ATP11A: variants seen among roughly 807,000 people sequenced by gnomAD.
The protein encoded by ATP11A is phospholipid-transporting ATPase IH.
A neutral mutation model predicts 154.4 loss-of-function variants in ATP11A; 81 were observed. The ratio of observed to expected loss-of-function variants is 0.52; its 90% CI spans 0.44 to 0.63. ATP11A has a LOEUF of 0.63. Among genes scored for constraint, ATP11A ranks in the 30% least tolerant of loss-of-function variants. The probability of loss-of-function intolerance (pLI) is 0.00; values close to 1 mark genes in which losing one functional copy is unlikely to be tolerated. For synonymous variants in ATP11A, 623 were observed against 585.9 expected, an observed-to-expected ratio of 1.06 and a Z score of -0.91; for missense variants, 1,316 against 1,474.3, an observed-to-expected ratio of 0.89 and a Z score of 1.76.
chr13:112,739,336 AATAC>A (rs1287218249), intron 1 of ATP11A, among the ~76,000 whole-genome samples: 1 of 152,216 alleles, frequency 6.6e-6, no homozygotes, highest in Non-Finnish European at 1.5e-5. Context: ...ACCAAGGAGG[AATAC>A]AAAGGGCCAG....
intron 25 of ATP11A, 78 bp from the exon 26 acceptor site, chr13:112,871,657 T>G: frequency 7.1e-7 from 1 of 1,401,784 alleles, no homozygotes. Flanking sequence ...ATGAGGTGTA[T>G]TTTCTAAAAC....
At chr13:112,873,003 CCTGA>C in intron 26 of ATP11A, among the ~76,000 whole-genome samples, 1 of 146,258 alleles carries the variant, frequency 6.8e-6, no homozygotes, top group Non-Finnish European at 1.5e-5. Flanking sequence ...GCTTTGTCTT[CCTGA>C]GCGGTGTGAG....
At chr13:112,758,450 GTCTC>G (rs1233484534) in intron 1 of ATP11A, among the ~76,000 whole-genome samples, 1 of 146,940 alleles carries the variant, frequency 6.8e-6, no homozygotes, top group South Asian at 2.2e-4. Context: ...TTGAGACAGA[GTCTC>G]TCTCTGTCGC....
intron 1 of ATP11A, among the ~76,000 whole-genome samples, chr13:112,779,035 GGAGTAGCCGCTGGAGT>G (rs1348329158): frequency 3.4e-5 from 4 of 116,776 alleles, no homozygotes; most frequent in African/African-American, 6.0e-5. Context: ...GCTGGAGTGA[GGAGTAGCCGCTGGAGT>G]GAGTAGCCGC....
chr13:112,783,587 C>T (rs769955935), intron 1 of ATP11A, among the ~76,000 whole-genome samples: 1 of 152,230 alleles, frequency 6.6e-6, no homozygotes, highest in East Asian at 1.9e-4. Flanking sequence ...ACCAGCATTC[C>T]CCTCATGGAG....
chr13:112,728,887 G>A (rs980105297), intron 1 of ATP11A, among the ~76,000 whole-genome samples: 20 of 152,262 alleles, frequency 1.3e-4, no homozygotes, highest in Non-Finnish European at 2.1e-4. Context: ...CACAGTGGCT[G>A]CTGACCTCTG....
intron 2 of ATP11A, among the ~76,000 whole-genome samples, chr13:112,804,647 T>C (rs1037722948): frequency 5.3e-5 from 8 of 151,268 alleles, no homozygotes; most frequent in Middle Eastern, 3.4e-3. Context: ...AAAATGCTAA[T>C]GTGTTGAGTT....
chr13:112,839,075 G>C (rs1169933048), intron 16 of ATP11A, among the ~76,000 whole-genome samples: 2 of 152,156 alleles, frequency 1.3e-5, no homozygotes, highest in Non-Finnish European at 2.9e-5. Context: ...CTGTACCTCA[G>C]TCATGTGTGC....
intron 1 of ATP11A, among the ~76,000 whole-genome samples, chr13:112,739,966 G>A (rs568109106): frequency 1.4e-4 from 21 of 152,244 alleles, no homozygotes; most frequent in Middle Eastern, 6.8e-3. Context: ...GTTGGCAGGG[G>A]CTGGGGGAGG....
chr13:112,828,118 G>GAAATGCCCAGCAGTGTTGAGTGCGGGGGA (rs143513857), intron 12 of ATP11A, among the ~76,000 whole-genome samples: 1 of 122,388 alleles, frequency 8.2e-6, no homozygotes, highest in Non-Finnish European at 1.7e-5. Flanking sequence ...TGAGTGGGGG[G>GAAATGCCCAGCAGTGTTGAGTGCGGGGGA]AAGCGCCCAG....
intron 1 of ATP11A, among the ~76,000 whole-genome samples, chr13:112,765,780 A>G (rs2077061134): frequency 6.6e-6 from 1 of 152,234 alleles, no homozygotes; most frequent in African/African-American, 2.4e-5. Flanking sequence ...GCTACAGTGG[A>G]TCTGAAAGAT....
chr13:112,785,045 C>G lies in ATP11A; in HGVS notation c.40-90C>G, dbSNP rs1344629467. The G allele has an allele frequency of 1.5e-6, 2 of 1,354,200 alleles. No homozygotes were observed. The highest frequency in any genetic ancestry group is 1.9e-6 in the Non-Finnish European group (2 of 1,043,298). The allele number at this position is 1,354,200 out of a possible 1,614,324, so 83.9% of individuals were successfully genotyped here. On this transcript the variant is annotated intron_variant, in intron 1 of 29. Transcript: ENST00000375645. This position sits in a 1 kb window ranked among gnomAD's most constrained non-coding sequence, Gnocchi z 4.8. ...TCAGCAGCAGGTACAGGTCTCCGTT[C>G]CGACGAACGTGCCTCAAGGCAACAC...
At chr13:112,794,376 C>T (rs970094150) in intron 2 of ATP11A, among the ~76,000 whole-genome samples, 1 of 152,194 alleles carries the variant, frequency 6.6e-6, no homozygotes, top group Non-Finnish European at 1.5e-5. Flanking sequence ...GATTGTATCC[C>T]GATGGTACTG....
chr13:112,862,669 G>C, intron 25 of ATP11A, 94 bp downstream of exon 25: 1 of 1,536,172 alleles, frequency 6.5e-7, no homozygotes, highest in South Asian at 1.2e-5. Context: ...ATTCAGTGCA[G>C]CCCATGCAGC....
At chr13:112,873,125 G>T (rs2080588934) in intron 26 of ATP11A, among the ~76,000 whole-genome samples, 2 of 124,868 alleles carry the variant, frequency 1.6e-5, no homozygotes, top group African/African-American at 3.1e-5. Flanking sequence ...TTGTCTTCCT[G>T]AACGGTGTGA....
At position 112,690,361 on chromosome 13, in the gene ATP11A, G is replaced by T; in HGVS notation, c.-56G>T. 2.4e-6 allele frequency: 3 copies of T among 1,230,718 alleles called. No homozygotes were observed. The highest frequency in any genetic ancestry group is 3.0e-6 in the Non-Finnish European group (3 of 984,074). 76.2% of individuals were successfully genotyped at this position (1,230,718 alleles called of 1,614,324 possible). On this transcript the variant is annotated 5_prime_UTR_variant, in exon 1 of 30. Transcript: ENST00000375645. This position sits in a 1 kb window ranked among gnomAD's most constrained non-coding sequence, Gnocchi z 5.6. The stretch of plus-strand genomic sequence containing the variant: ...CACTAGTACCCCGGAGCCCATGGGC[G>T]CGCCGAGCCGGGCGCGGGGGCGCTG...
chr13:112,825,373 G>T, intron 10 of ATP11A, 57 bp from the exon 11 acceptor site: 1 of 1,527,166 alleles, frequency 6.5e-7, no homozygotes, highest in South Asian at 1.3e-5. Flanking sequence ...CTGTGAGAAG[G>T]AAGTGCAGAG....
Position 112,819,284 on chromosome 13 carries a change from CAT to C in ATP11A, c.571-19_571-18del, listed in dbSNP as rs34166778. ...GTTGACCGTTTTGGCGGTGAGCTCA[CAT>C]GTCTTGTGCATTTGTAGACGCATTA... is the stretch of plus-strand genomic sequence containing the variant. On this transcript the variant is annotated intron_variant, in intron 6 of 29. Coordinates refer to ENST00000375645, the MANE Select transcript of ATP11A (RefSeq NM_015205.3). 423,545 of 1,611,300 alleles carry C rather than the reference CAT, an allele frequency of 0.26. 56,926 individuals are homozygous for C. Among genetic ancestry groups the C allele is most frequent in the Admixed American group, 0.28 (16,717 of 59,954 alleles).
At chr13:112,852,451 T>G (rs2079793518) in intron 18 of ATP11A, among the ~76,000 whole-genome samples, 1 of 152,166 alleles carries the variant, frequency 6.6e-6, no homozygotes, top group Non-Finnish European at 1.5e-5. Context: ...CCCTGTTCAG[T>G]CCAGAGTAAG....
Sources: allele counts gnomAD v4.1 joint callset (sites outside exome capture counted in the v4.1 genomes callset), GRCh38; gene constraint gnomAD v4.1.1; non-coding constraint Gnocchi (gnomAD v3.1); transcripts MANE v1.5; gene names NCBI Gene and HGNC (gene_info 2026-07-23, HGNC 2026-07-21).